RAD51B: variants seen among roughly 807,000 people sequenced by gnomAD.
The protein encoded by RAD51B is RAD51 paralog B, also known as DNA repair protein RAD51 homolog 2.
In RAD51B, 38 loss-of-function variants were observed where a neutral mutation model predicts 42.2. The observed-to-expected ratio is 0.90, with a 90% CI of 0.70 to 1.18. The LOEUF is 1.18. Ranked by LOEUF, RAD51B falls within the 50% of genes most tolerant of loss-of-function variation. The pLI is 0.00. For missense variants in RAD51B, 373 were observed against 400.7 expected, an observed-to-expected ratio of 0.93 and a Z score of 0.59; for synonymous variants, 154 against 145.2, an observed-to-expected ratio of 1.06 and a Z score of -0.43.
intron 10 of RAD51B, among the ~76,000 whole-genome samples, chr14:68,624,961 G>A (rs555655541): frequency 9.7e-4 from 148 of 152,248 alleles, no homozygotes; most frequent in Non-Finnish European, 1.5e-3. Context: ...TTGCCAGGAG[G>A]ATCTTATGAA....
chr14:68,127,654 C>CAT (rs1555360661), intron 7 of RAD51B, among the ~76,000 whole-genome samples: 1 of 110,488 alleles, frequency 9.1e-6, no homozygotes. Flanking sequence ...CACACACACA[C>CAT]ATACACACAG....
chr14:68,651,754 CTATT>C (rs894695984), intron 11 of RAD51B, among the ~76,000 whole-genome samples: 45 of 152,340 alleles, frequency 3.0e-4, no homozygotes, highest in African/African-American at 1.0e-3. Context: ...AACTAATCCT[CTATT>C]TATAATCCAG....
At chr14:68,040,473 A>G (rs181621214) in intron 7 of RAD51B, among the ~76,000 whole-genome samples, 162 of 152,286 alleles carry the variant, frequency 1.1e-3, no homozygotes, top group African/African-American at 3.8e-3. Context: ...TGTTTTTTCT[A>G]GTATCTATTA....
chr14:68,100,846 A>G (rs1315140079), intron 7 of RAD51B, among the ~76,000 whole-genome samples: 2 of 152,190 alleles, frequency 1.3e-5, no homozygotes, highest in South Asian at 2.1e-4. Context: ...ATATGTATGC[A>G]GGAACTCCAC....
intron 7 of RAD51B, among the ~76,000 whole-genome samples, chr14:67,994,267 T>C (rs1421681025): frequency 6.7e-6 from 1 of 149,062 alleles, no homozygotes; most frequent in Non-Finnish European, 1.5e-5. Flanking sequence ...TAGATAAATA[T>C]TTTTTAGCTG....
intron 8 of RAD51B, among the ~76,000 whole-genome samples, chr14:68,351,991 A>G (rs1326083275): frequency 6.6e-6 from 1 of 152,152 alleles, no homozygotes; most frequent in South Asian, 2.1e-4. Flanking sequence ...AGAAGGGAAT[A>G]TGTTTAAGAG....
intron 10 of RAD51B, among the ~76,000 whole-genome samples, chr14:68,549,710 G>A (rs1037300601): frequency 1.3e-5 from 2 of 150,774 alleles, no homozygotes; most frequent in Non-Finnish European, 3.0e-5. Context: ...CACCGCGCCC[G>A]GCCGCCCTGG....
chr14:68,513,111 GT>G lies in RAD51B; in HGVS notation c.1036+44865del, dbSNP rs557554830. 2.6e-3 allele frequency among the ~76,000 whole-genome samples: 393 copies of G among 152,304 alleles called. 3 individuals carry two copies. The Middle Eastern group carries it at 0.031, about 12-fold the overall frequency. ...CCAGCCATGGAAGTGGTGACTTTGG[GT>G]TTTGTTCTGAGCTTCACAGGATGTC... On this transcript the variant is annotated intron_variant, in intron 10 of 10. Transcript: ENST00000487270.
At chr14:68,497,225 T>G (rs1884593745) in intron 10 of RAD51B, 1 of 1,373,484 alleles carries the variant, frequency 7.3e-7, no homozygotes, top group South Asian at 1.2e-5. Flanking sequence ...GAAAGAGTCT[T>G]GTGGTGAAAC....
At chr14:68,300,349 G>A (rs1396801830) in intron 8 of RAD51B, among the ~76,000 whole-genome samples, 2 of 152,112 alleles carry the variant, frequency 1.3e-5, no homozygotes, top group East Asian at 3.9e-4. Flanking sequence ...GGTACTACAG[G>A]CATGCACCAC....
intron 7 of RAD51B, among the ~76,000 whole-genome samples, chr14:67,972,007 G>A (rs2074907978): frequency 6.7e-6 from 1 of 149,724 alleles, no homozygotes. Flanking sequence ...ATTTTTGTGG[G>A]GGCACAAAAA....
chr14:67,853,183 A>C (rs1465734118), intron 4 of RAD51B, among the ~76,000 whole-genome samples: 1 of 152,192 alleles, frequency 6.6e-6, no homozygotes, highest in East Asian at 1.9e-4. Context: ...GCTGCAGAGA[A>C]ATAGATTTTT....
chr14:68,045,972 A>G (rs1595312152), intron 7 of RAD51B, among the ~76,000 whole-genome samples: 1 of 152,304 alleles, frequency 6.6e-6, no homozygotes, highest in East Asian at 1.9e-4. Flanking sequence ...ACATGGCAGC[A>G]ACAGCAACAG....
At chr14:68,069,700 G>T (rs1384275575) in intron 7 of RAD51B, 2 of 152,120 alleles carry the variant, frequency 1.3e-5, no homozygotes, top group African/African-American at 2.4e-5. Flanking sequence ...GTGCATCTGG[G>T]TTGATTCCAT....
intron 7 of RAD51B, among the ~76,000 whole-genome samples, chr14:68,174,190 G>T (rs1396043413): frequency 6.6e-6 from 1 of 152,062 alleles, no homozygotes; most frequent in African/African-American, 2.4e-5. Context: ...CCACTTTCTG[G>T]TAGATTATTT....
At chr14:68,046,714 C>T (rs552321503) in intron 7 of RAD51B, among the ~76,000 whole-genome samples, 6 of 152,204 alleles carry the variant, frequency 3.9e-5, no homozygotes, top group East Asian at 1.9e-4. Context: ...CCAACCTGGG[C>T]GACAGAGTGA....
At chr14:68,648,146 T>TAC (rs1174708827) in intron 10 of RAD51B, among the ~76,000 whole-genome samples, 1,098 of 74,230 alleles carry the variant, frequency 0.015, 22 homozygotes, top group Non-Finnish European at 0.024. Context: ...TATATATATA[T>TAC]ACACACACGT....
At chr14:68,534,540 A>T (rs1887497321) in intron 10 of RAD51B, among the ~76,000 whole-genome samples, 1 of 152,176 alleles carries the variant, frequency 6.6e-6, no homozygotes, top group African/African-American at 2.4e-5. Context: ...ACAGTGAGAT[A>T]AAAAACAACC....
chr14:67,869,643 C>T (rs1269498845), intron 5 of RAD51B, among the ~76,000 whole-genome samples: 2 of 152,024 alleles, frequency 1.3e-5, no homozygotes, highest in Non-Finnish European at 2.9e-5. Flanking sequence ...GTCAGATTCA[C>T]CAAAGTTGAA....
Sources: gnomAD v4.1 joint callset for allele counts (sites outside exome capture counted in the v4.1 genomes callset) on GRCh38, gnomAD v4.1.1 for gene constraint, MANE v1.5 for transcripts, NCBI Gene and HGNC (gene_info 2026-07-23, HGNC 2026-07-21) for gene names.